POU3F3: variants seen among roughly 807,000 people sequenced by gnomAD.
POU3F3 encodes the protein POU domain, class 3, transcription factor 3.
A neutral mutation model predicts 8.6 loss-of-function variants in POU3F3; 1 was observed. That is an observed-to-expected ratio of 0.12 (90% CI 0.04 to 0.55). POU3F3 has a LOEUF of 0.55. Ranked by LOEUF, POU3F3 falls within the 20% of genes least tolerant of loss-of-function variation. The pLI is 0.91. For synonymous variants in POU3F3, 418 were observed against 327.4 expected, an observed-to-expected ratio of 1.28 and a Z score of -2.99; for missense variants, 577 against 690.7, an observed-to-expected ratio of 0.84 and a Z score of 1.84.
the POU3F3 span, among the ~76,000 whole-genome samples, chr2:104,902,201 T>A: frequency 6.6e-6 from 1 of 152,110 alleles, no homozygotes; most frequent in Non-Finnish European, 1.5e-5. Flanking sequence ...CCCAAAAGTG[T>A]GAAGCAAATG....
the POU3F3 span, among the ~76,000 whole-genome samples, chr2:104,865,134 T>C: frequency 6.6e-6 from 1 of 152,236 alleles, no homozygotes; most frequent in African/African-American, 2.4e-5. Context: ...GACTTCCTAG[T>C]CACCGGTATG....
At chr2:104,869,654 A>T in the POU3F3 span, among the ~76,000 whole-genome samples, 4 of 152,202 alleles carry the variant, frequency 2.6e-5, no homozygotes, top group African/African-American at 9.6e-5. Flanking sequence ...CAGCACCACC[A>T]CCAGCCCTTC....
At chr2:104,902,713 A>C in the POU3F3 span, among the ~76,000 whole-genome samples, 75 of 152,300 alleles carry the variant, frequency 4.9e-4, no homozygotes, top group African/African-American at 1.7e-3. Flanking sequence ...AAGAAATGTT[A>C]ATTTCTACTA....
At chr2:104,917,827 G>A in the POU3F3 span, among the ~76,000 whole-genome samples, 28 of 152,136 alleles carry the variant, frequency 1.8e-4, no homozygotes, top group Non-Finnish European at 1.5e-5. Context: ...CTTTTCCTCA[G>A]AGTTTACATC....
In POU3F3 at chr2:104,855,771, C is replaced by T. The variant is rs778104691; in HGVS notation, c.261C>T (p.Gly87=). The T allele has an allele frequency of 1.5e-6, 2 of 1,327,628 alleles. No homozygotes were observed. Among genetic ancestry groups the T allele is most frequent in the Non-Finnish European group, 2.0e-6 (2 of 1,017,710 alleles). 82.2% of individuals were successfully genotyped at this position (1,327,628 alleles called of 1,614,324 possible). A position where few individuals can be genotyped will look rare whatever the true frequency, so the allele number is the denominator to read the frequency against. The part of the protein sequence containing the change: ...FMQGAMAASN[G]GHMLSHAHQW... ...AGGGGGCCATGGCCGCCAGCAACGGCGGCCATATGCTGAGCCACGCGCACC... is the reference window on the plus strand; with the variant it reads ...AGGGGGCCATGGCCGCCAGCAACGGTGGCCATATGCTGAGCCACGCGCACC... Residue 87 remains glycine (G), a synonymous_variant, in exon 1 of 1, where the codon GGC becomes GGT. Coordinates refer to ENST00000361360, the MANE Select transcript of POU3F3 (RefSeq NM_006236.3).
chr2:104,916,112 A>G, the POU3F3 span, among the ~76,000 whole-genome samples: 5 of 152,250 alleles, frequency 3.3e-5, no homozygotes, highest in African/African-American at 1.2e-4. Flanking sequence ...GCCATCCCTT[A>G]TAGTTTATAA....
chr2:104,897,872 C>A, the POU3F3 span, among the ~76,000 whole-genome samples: 37 of 152,350 alleles, frequency 2.4e-4, no homozygotes, highest in East Asian at 5.6e-3. Flanking sequence ...GAAAGGCTTT[C>A]TTTCTAGGGC....
the POU3F3 span, among the ~76,000 whole-genome samples, chr2:104,877,233 T>C: frequency 6.6e-6 from 1 of 151,970 alleles, no homozygotes; most frequent in Non-Finnish European, 1.5e-5. Context: ...TCACGGTGGG[T>C]AGGAGCTTGC....
chr2:104,918,913 C>A, the POU3F3 span, among the ~76,000 whole-genome samples: 117 of 151,316 alleles, frequency 7.7e-4, no homozygotes, highest in Middle Eastern at 3.4e-3. Context: ...AGTTTCAAGC[C>A]CAGGCTGGAG....
chr2:104,895,356 G>A, the POU3F3 span, among the ~76,000 whole-genome samples: 8 of 152,170 alleles, frequency 5.3e-5, no homozygotes, highest in Non-Finnish European at 1.2e-4. Flanking sequence ...CAGTTCCTTC[G>A]GATGCTGTAA....
At chr2:104,898,107 C>A in the POU3F3 span, among the ~76,000 whole-genome samples, 1 of 152,102 alleles carries the variant, frequency 6.6e-6, no homozygotes, top group Non-Finnish European at 1.5e-5. Context: ...TTGTGAGTGT[C>A]GTGAATGGGA....
At chr2:104,895,502 T>C in the POU3F3 span, among the ~76,000 whole-genome samples, 1 of 152,184 alleles carries the variant, frequency 6.6e-6, no homozygotes, top group Non-Finnish European at 1.5e-5. Flanking sequence ...GTTTTATTAA[T>C]CTAGAAATTA....
chr2:104,881,162 T>C, the POU3F3 span, among the ~76,000 whole-genome samples: 1 of 150,434 alleles, frequency 6.6e-6, no homozygotes, highest in Non-Finnish European at 1.5e-5. Flanking sequence ...TTTCTTTCCT[T>C]TCTTTCTTGT....
Position 104,856,809 on chromosome 2 carries a change from G to T in POU3F3, c.1299G>T (p.Ala433=). ...TCCTCAAGTGCCCCAAGCCCTCCGC[G>T]CAGGAGATCACCAACCTGGCCGACA... ...SHFLKCPKPS[A]QEITNLADSL... is the part of the protein sequence containing the mutation. The change falls in exon 1 of 1, where the codon GCG becomes GCT. Residue 433 remains alanine (A), a synonymous_variant. Transcript: ENST00000361360. 2 of 1,614,102 alleles carry T rather than the reference G, an allele frequency of 1.2e-6. No homozygotes were observed. The highest frequency in any genetic ancestry group is 8.5e-7 in the Non-Finnish European group (1 of 1,180,012).
the POU3F3 span, among the ~76,000 whole-genome samples, chr2:104,914,333 T>TA: frequency 2.0e-5 from 3 of 152,196 alleles, no homozygotes; most frequent in Non-Finnish European, 4.4e-5. Context: ...TGCAAGTTCT[T>TA]ACATTTATCA....
chr2:104,902,105 T>C, the POU3F3 span, among the ~76,000 whole-genome samples: 1 of 152,080 alleles, frequency 6.6e-6, no homozygotes, highest in Non-Finnish European at 1.5e-5. Flanking sequence ...TCCCTCTCCC[T>C]ATCTCTCCCT....
the POU3F3 span, among the ~76,000 whole-genome samples, chr2:104,909,010 T>C: frequency 6.6e-6 from 1 of 152,194 alleles, no homozygotes; most frequent in African/African-American, 2.4e-5. Context: ...AGATGGGTGA[T>C]GAAATATCTC....
In POU3F3 at chr2:104,855,122, G is replaced by A. The variant is rs1676522257; in HGVS notation, c.-389G>A. On this transcript the variant is annotated 5_prime_UTR_variant, in exon 1 of 1. Coordinates refer to ENST00000361360, the MANE Select transcript of POU3F3 (RefSeq NM_006236.3). ...GCTGGAGCGAGCCCAGCGCGCCGGG[G>A]CTGGGGGGCGGCCACGACCCCCCCT... Among the ~76,000 whole-genome samples the A allele has an allele frequency of 6.6e-6, 1 of 151,778 alleles. No individual in the cohort carries two copies. Among genetic ancestry groups the A allele is most frequent in the African/African-American group, 2.4e-5 (1 of 41,402 alleles).
At chr2:104,907,311 C>T in the POU3F3 span, among the ~76,000 whole-genome samples, 25 of 152,236 alleles carry the variant, frequency 1.6e-4, no homozygotes, top group Non-Finnish European at 3.7e-4. Flanking sequence ...CCTCACCCAT[C>T]TGTCCCTGAC....
Sources: gnomAD v4.1 joint callset for allele counts (sites outside exome capture counted in the v4.1 genomes callset) on GRCh38, gnomAD v4.1.1 for gene constraint, MANE v1.5 for transcripts, NCBI Gene and HGNC (gene_info 2026-07-23, HGNC 2026-07-21) for gene names.